Variants in RGS6 observed in about 807,000 individuals in gnomAD.
RGS6 encodes regulator of G protein signaling 6.
RGS6 carries 30 observed loss-of-function variants against 78.5 expected under a neutral mutation model. The observed-to-expected ratio is 0.38, with a 90% CI of 0.29 to 0.52. The LOEUF (loss-of-function observed/expected upper bound fraction) is 0.52. Ranked by LOEUF, RGS6 falls within the 20% of genes least tolerant of loss-of-function variation. RGS6 has a pLI of 0.85. For missense variants in RGS6, 495 were observed against 609.7 expected, an observed-to-expected ratio of 0.81 and a Z score of 1.98; for synonymous variants, 206 against 206.0, an observed-to-expected ratio of 1.00 and a Z score of 0.00.
At position 72,053,135 on chromosome 14, in the gene RGS6, T is replaced by TCC. The variant is rs1375984337; in HGVS notation, c.84+88260_84+88261insCC. 8.0e-5 allele frequency among the ~76,000 whole-genome samples: 10 copies of TCC among 125,738 alleles called. 1 individual carries two copies. In the East Asian group the frequency reaches 2.3e-3, roughly 29 times the overall value. The allele number at this position is 125,738 out of a possible 152,430, so 82.5% of individuals were successfully genotyped here. A position where few individuals can be genotyped will look rare whatever the true frequency, so the allele number is the denominator to read the frequency against. ...TTCCTTCCTTCCTTCCTTCCTTTCTTTTTTTGATGGAGTCTCGCTCTGTCA... is the reference window on the plus strand; with the variant it reads ...TTCCTTCCTTCCTTCCTTCCTTTCTTCCTTTTTGATGGAGTCTCGCTCTGTCA... On this transcript the variant is annotated intron_variant, in intron 2 of 17. Transcript: ENST00000553525.
intron 3 of RGS6, among the ~76,000 whole-genome samples, chr14:72,416,180 C>G (rs2093798781): frequency 6.6e-6 from 1 of 150,746 alleles, no homozygotes; most frequent in African/African-American, 2.4e-5. Context: ...CCTAGTTTTA[C>G]ATTTGTAGCA....
chr14:72,120,179 T>C (rs1272366451), intron 2 of RGS6, among the ~76,000 whole-genome samples: 1 of 152,242 alleles, frequency 6.6e-6, no homozygotes, highest in East Asian at 1.9e-4. Context: ...ATTTAAACCA[T>C]GGAATATTTT....
At chr14:72,546,872 C>T (rs1164034113) in intron 17 of RGS6, among the ~76,000 whole-genome samples, 1 of 152,190 alleles carries the variant, frequency 6.6e-6, no homozygotes, top group East Asian at 1.9e-4. Flanking sequence ...GGATCTATTT[C>T]GGGAGGTGAC....
intron 3 of RGS6, among the ~76,000 whole-genome samples, chr14:72,414,393 C>A (rs150743668): frequency 6.6e-6 from 1 of 152,234 alleles, no homozygotes; most frequent in East Asian, 1.9e-4. Flanking sequence ...ACATAGTTCT[C>A]GTGCCGTGGT....
intron 2 of RGS6, 57 bp downstream of exon 2, chr14:71,964,932 G>A: frequency 7.6e-7 from 1 of 1,309,206 alleles, no homozygotes; most frequent in Non-Finnish European, 1.1e-6. Flanking sequence ...TGTGTTCTGT[G>A]TAGGGCTGAT....
chr14:72,138,342 C>T (rs961189927), intron 2 of RGS6, among the ~76,000 whole-genome samples: 5 of 151,252 alleles, frequency 3.3e-5, no homozygotes, highest in East Asian at 1.9e-4. Flanking sequence ...ACATCATGAG[C>T]GCATTGAGGG....
the RGS6 span, among the ~76,000 whole-genome samples, chr14:71,921,590 A>G: frequency 2.6e-5 from 4 of 152,254 alleles, no homozygotes; most frequent in Non-Finnish European, 5.9e-5. Flanking sequence ...CAGACATTAT[A>G]TTAAATGAAA....
At chr14:72,231,118 G>C (rs1472225511) in intron 2 of RGS6, among the ~76,000 whole-genome samples, 2 of 152,164 alleles carry the variant, frequency 1.3e-5, no homozygotes, top group African/African-American at 4.8e-5. Context: ...TCTTGACGTT[G>C]CTGTCGAGAG....
intron 2 of RGS6, among the ~76,000 whole-genome samples, chr14:72,019,672 A>G (rs1418225890): frequency 6.6e-6 from 1 of 152,162 alleles, no homozygotes; most frequent in Non-Finnish European, 1.5e-5. Flanking sequence ...GGATTTTTAT[A>G]TTCTCTCTAG....
chr14:71,885,374 CAT>C, the RGS6 span, among the ~76,000 whole-genome samples: 1 of 152,208 alleles, frequency 6.6e-6, no homozygotes, highest in Non-Finnish European at 1.5e-5. Flanking sequence ...GGTATAAAGA[CAT>C]GTGACATTAA....
At chr14:72,213,404 C>G (rs2044674527) in intron 2 of RGS6, among the ~76,000 whole-genome samples, 1 of 152,102 alleles carries the variant, frequency 6.6e-6, no homozygotes, top group African/African-American at 2.4e-5. Flanking sequence ...TATGACGAGG[C>G]CAGACACAGG....
chr14:72,068,449 T>A (rs1209941496), intron 2 of RGS6, among the ~76,000 whole-genome samples: 1 of 151,512 alleles, frequency 6.6e-6, no homozygotes, highest in Non-Finnish European at 1.5e-5. Context: ...ATCAGTTCTT[T>A]TTAATTTTTT....
the RGS6 span, among the ~76,000 whole-genome samples, chr14:72,609,261 C>T: frequency 2.0e-5 from 3 of 152,134 alleles, no homozygotes; most frequent in Non-Finnish European, 2.9e-5. Context: ...ATCTCATCAG[C>T]GACAGGTCTC....
At chr14:72,600,758 A>G in the RGS6 span, among the ~76,000 whole-genome samples, 1 of 152,092 alleles carries the variant, frequency 6.6e-6, no homozygotes. Flanking sequence ...CGGAGACACC[A>G]AGGGAGTCAC....
At chr14:71,900,466 T>C in the RGS6 span, among the ~76,000 whole-genome samples, 230 of 152,316 alleles carry the variant, frequency 1.5e-3, 1 homozygote, top group African/African-American at 5.3e-3. Context: ...TTTTTGTATG[T>C]GGCCATATAT....
At chr14:72,401,530 T>G (rs773456548) in intron 3 of RGS6, among the ~76,000 whole-genome samples, 1 of 151,314 alleles carries the variant, frequency 6.6e-6, no homozygotes, top group African/African-American at 2.4e-5. Flanking sequence ...GGGCAAAGAA[T>G]GAGAAGAGCT....
At chr14:72,602,491 C>A in the RGS6 span, among the ~76,000 whole-genome samples, 9 of 152,166 alleles carry the variant, frequency 5.9e-5, no homozygotes, top group Non-Finnish European at 1.3e-4. Flanking sequence ...GGTCATCCAG[C>A]CTGTGAGTGG....
At chr14:72,376,153 GAGAT>G (rs1377963486) in intron 3 of RGS6, among the ~76,000 whole-genome samples, 30 of 152,118 alleles carry the variant, frequency 2.0e-4, no homozygotes, top group African/African-American at 7.0e-4. Flanking sequence ...AAATTCAACA[GAGAT>G]AGATATCATT....
intron 2 of RGS6, among the ~76,000 whole-genome samples, chr14:72,160,392 C>T (rs144733999): frequency 0.011 from 1,645 of 152,240 alleles, 19 homozygotes; most frequent in African/African-American, 0.028. Context: ...TTGATTCACA[C>T]GTGATCTTTG....
Sources: allele counts gnomAD v4.1 joint callset (sites outside exome capture counted in the v4.1 genomes callset), GRCh38; gene constraint gnomAD v4.1.1; transcripts MANE v1.5; gene names NCBI Gene and HGNC (gene_info 2026-07-23, HGNC 2026-07-21).